GPT2: variants seen among roughly 807,000 people sequenced by gnomAD.
The protein encoded by GPT2 is alanine aminotransferase 2.
In GPT2, 30 loss-of-function variants were observed where a neutral mutation model predicts 56.9. The observed-to-expected ratio is 0.53, with a 90% CI of 0.39 to 0.72. The LOEUF is 0.72. Ranked by LOEUF, GPT2 falls within the 30% of genes least tolerant of loss-of-function variation. The pLI is 0.00. For missense variants in GPT2, 542 were observed against 703.4 expected (o/e 0.77, Z 2.60); for synonymous variants, 271 against 283.1 (o/e 0.96, Z 0.43).
chr16:46,897,988 G>A lies in GPT2; in HGVS notation c.333+251G>A, dbSNP rs1960717352. Reference sequence around the variant, plus strand: ...GGCGGGGTCCTGGGAGCTGAGTTAGGAACTTGGTGGGCAAAGGCAGTGGTG... The same window carrying A: ...GGCGGGGTCCTGGGAGCTGAGTTAGAAACTTGGTGGGCAAAGGCAGTGGTG... On this transcript the variant is annotated intron_variant, in intron 3 of 11. Coordinates refer to ENST00000340124, the MANE Select transcript of GPT2 (RefSeq NM_133443.4). Among the ~76,000 whole-genome samples, 6 of 152,180 alleles carry A rather than the reference G, an allele frequency of 3.9e-5. No individual in the cohort carries two copies. In the South Asian group the frequency reaches 1.2e-3, roughly 31 times the overall value.
chr16:46,905,380 C>T (rs1300056608), intron 4 of GPT2, among the ~76,000 whole-genome samples: 2 of 152,142 alleles, frequency 1.3e-5, no homozygotes, highest in South Asian at 2.1e-4. Flanking sequence ...TGTTCCTCCT[C>T]GATGCCAGGC....
intron 10 of GPT2, among the ~76,000 whole-genome samples, chr16:46,925,803 G>A (rs1383662278): frequency 6.6e-6 from 1 of 151,974 alleles, no homozygotes; most frequent in African/African-American, 2.4e-5. Context: ...CAGCCTGGGC[G>A]AGAGCAAGAT....
At chr16:46,917,030 C>T (rs1349567444) in intron 7 of GPT2, among the ~76,000 whole-genome samples, 1 of 152,206 alleles carries the variant, frequency 6.6e-6, no homozygotes, top group Admixed American at 6.5e-5. Context: ...TTCAGGTCCT[C>T]TTTCCCTTTT....
Position 46,909,924 on chromosome 16 carries a change from A to G in GPT2, c.817A>G (p.Thr273Ala), listed in dbSNP as rs1237507279. Residue 273 changes from threonine (T) to alanine (A), a missense_variant, in exon 6 of 12, where the codon ACA becomes GCA. Thr to Ala is a moderately conservative substitution (Grantham distance 58). Transcript: ENST00000340124. ...CTGCATAATCAACCCTGGGAACCCC[A>G]CAGGTCTGCACTTTACTTCCTCACC... Reference protein sequence around the residue: ...VLCIINPGNPTGQVQSRKCIE... With the variant: ...VLCIINPGNPAGQVQSRKCIE... 1 of 1,596,896 alleles carries G rather than the reference A, an allele frequency of 6.3e-7. No individual in the cohort carries two copies. The highest frequency in any genetic ancestry group is 2.2e-5 in the East Asian group (1 of 44,506).
In GPT2 at chr16:46,902,441, GTGT is replaced by G. The variant is rs1419112253; in HGVS notation, c.442+1652_442+1654del. ...CCTGCCCATTCCAGGGGGCAGGACA[GTGT>G]GGTCCTTCGCGTGACAGGGACATAG... On this transcript the variant is annotated intron_variant, in intron 4 of 11. Transcript: ENST00000340124. Among the ~76,000 whole-genome samples the G allele has an allele frequency of 2.0e-5, 3 of 152,298 alleles. No individual in the cohort carries two copies. In the East Asian group the frequency reaches 5.8e-4, roughly 29 times the overall value.
intron 2 of GPT2, among the ~76,000 whole-genome samples, chr16:46,891,829 T>C (rs1960590593): frequency 6.6e-6 from 1 of 151,910 alleles, no homozygotes; most frequent in African/African-American, 2.4e-5. Flanking sequence ...TTATTGACTA[T>C]AGTCACCCTG....
At chr16:46,896,136 C>T (rs981983772) in intron 2 of GPT2, among the ~76,000 whole-genome samples, 1 of 152,224 alleles carries the variant, frequency 6.6e-6, no homozygotes, top group Non-Finnish European at 1.5e-5. Flanking sequence ...CTGCTAAGGG[C>T]TTTCACACTG....
intron 2 of GPT2, among the ~76,000 whole-genome samples, chr16:46,896,617 T>A (rs1366873585): frequency 1.3e-5 from 2 of 152,162 alleles, no homozygotes; most frequent in Admixed American, 6.5e-5. Context: ...GAGCTGCGCC[T>A]GGGGCAGGAT....
chr16:46,910,274 A>G (rs1021240208), intron 6 of GPT2, among the ~76,000 whole-genome samples: 3 of 145,754 alleles, frequency 2.1e-5, no homozygotes, highest in Non-Finnish European at 3.0e-5. Flanking sequence ...CCAGCTGCTC[A>G]GGAGGCTGAA....
intron 4 of GPT2, among the ~76,000 whole-genome samples, chr16:46,905,223 A>AT (rs895600808): frequency 2.0e-4 from 31 of 151,868 alleles, no homozygotes; most frequent in African/African-American, 6.8e-4. Context: ...TACCTGGCTG[A>AT]TTTTTTTTAG....
At chr16:46,884,491 C>T (rs1368383492) in intron 1 of GPT2, 24 bp downstream of exon 1, 2 of 413,878 alleles carry the variant, frequency 4.8e-6, no homozygotes, top group South Asian at 1.3e-4. Flanking sequence ...ATGCCTTGGG[C>T]GCAGCCTTTG....
chr16:46,894,138 A>G (rs1328296098), intron 2 of GPT2, among the ~76,000 whole-genome samples: 4 of 152,200 alleles, frequency 2.6e-5, no homozygotes, highest in Non-Finnish European at 4.4e-5. Flanking sequence ...TGCAGGCACC[A>G]AGACCCAAGA....
At chr16:46,897,394 C>T (rs962016932) in intron 2 of GPT2, among the ~76,000 whole-genome samples, 1 of 152,010 alleles carries the variant, frequency 6.6e-6, no homozygotes, top group African/African-American at 2.4e-5. Context: ...ATTATGTGAC[C>T]TTGAGGAAGT....
At chr16:46,901,105 A>AG (rs1960808838) in intron 4 of GPT2, among the ~76,000 whole-genome samples, 1 of 152,238 alleles carries the variant, frequency 6.6e-6, no homozygotes, top group Admixed American at 6.5e-5. Flanking sequence ...TTCACCCAGC[A>AG]GCTGGAGGCC....
Position 46,884,722 on chromosome 16 carries a change from CG to C in GPT2, c.10del (p.Ala4ArgfsTer50). On this transcript the variant is annotated frameshift_variant, in exon 2 of 12. Coordinates refer to ENST00000340124, the MANE Select transcript of GPT2 (RefSeq NM_133443.4). LOFTEE classifies it high-confidence loss of function. Reference sequence around the variant, plus strand: ...TTCTCTCCGCAAGCGCGCGATGCAGCGGGCGGCGGCGCTGGTCCGGCGGGGC... The same window carrying C: ...TTCTCTCCGCAAGCGCGCGATGCAGCGGCGGCGGCGCTGGTCCGGCGGGGC... MQ[R>X]AAALVRRGCG... 1 of 1,379,548 alleles carries C rather than the reference CG, an allele frequency of 7.2e-7. No homozygotes were observed. The highest frequency in any genetic ancestry group is 9.4e-7 in the Non-Finnish European group (1 of 1,065,054). The allele number at this position is 1,379,548 out of a possible 1,614,324, so 85.5% of individuals were successfully genotyped here.
At position 46,885,964 on chromosome 16, in the gene GPT2, C is replaced by T. The variant is rs138410748; in HGVS notation, c.243+1006C>T. The stretch of plus-strand genomic sequence containing the variant: ...TGCCCTCACCCGGGTCACTAGTGTC[C>T]CATGAATGCATGGCAGTAAGCTTCA... On this transcript the variant is annotated intron_variant, in intron 2 of 11. Transcript: ENST00000340124. Among the ~76,000 whole-genome samples, 457 of 152,210 alleles carry T rather than the reference C, an allele frequency of 3.0e-3. 3 individuals are homozygous for T. Among genetic ancestry groups the T allele is most frequent in the Non-Finnish European group, 4.4e-3 (299 of 68,016 alleles).
intron 10 of GPT2, 107 bp downstream of exon 10, chr16:46,924,651 CG>C (rs1303995634): frequency 2.1e-5 from 25 of 1,199,786 alleles, no homozygotes; most frequent in Non-Finnish European, 3.6e-6. Context: ...CCTGGAGGCT[CG>C]GAACTGTATG....
At position 46,888,157 on chromosome 16, in the gene GPT2, C is replaced by A. The variant is rs920000476; in HGVS notation, c.243+3199C>A. 4.6e-5 allele frequency among the ~76,000 whole-genome samples: 7 copies of A among 152,192 alleles called. No homozygotes were observed. In the East Asian group the frequency reaches 7.7e-4, roughly 17 times the overall value. ...TCTGGTTGTAAGGCAACAGTCAGGG[C>A]AGACATTCAGAACTGAGGGGAAGAC... is the stretch of plus-strand genomic sequence containing the variant. On this transcript the variant is annotated intron_variant, in intron 2 of 11. Transcript: ENST00000340124.
At chr16:46,925,742 T>C (rs1372308572) in intron 10 of GPT2, among the ~76,000 whole-genome samples, 1 of 152,128 alleles carries the variant, frequency 6.6e-6, no homozygotes, top group Non-Finnish European at 1.5e-5. Flanking sequence ...GAGGATCGCC[T>C]GAGCCTGGGA....
Sources: allele counts gnomAD v4.1 joint callset (sites outside exome capture counted in the v4.1 genomes callset), GRCh38; gene constraint gnomAD v4.1.1; transcripts MANE v1.5; gene names NCBI Gene and HGNC (gene_info 2026-07-23, HGNC 2026-07-21).